The following TMEFF2 variants were observed in gnomAD, a reference collection of about 807,000 sequenced individuals.
TMEFF2 encodes transmembrane protein with EGF like and two follistatin like domains 2.
In TMEFF2, 28 loss-of-function variants were observed where a neutral mutation model predicts 53.8. That is an observed-to-expected ratio of 0.52 (90% CI 0.39 to 0.71). The LOEUF (loss-of-function observed/expected upper bound fraction) is 0.71. Ranked by LOEUF, TMEFF2 falls within the 30% of genes least tolerant of loss-of-function variation. The pLI is 0.00. For missense variants in TMEFF2, 353 were observed against 455.2 expected (o/e 0.78, Z 2.04); for synonymous variants, 162 against 166.3 (o/e 0.97, Z 0.20).
At chr2:192,140,639 G>T (rs1436764252) in intron 4 of TMEFF2, among the ~76,000 whole-genome samples, 1 of 152,108 alleles carries the variant, frequency 6.6e-6, no homozygotes, top group African/African-American at 2.4e-5. Flanking sequence ...ATAAGAGAAT[G>T]CTGAGGGTGA....
intron 5 of TMEFF2, among the ~76,000 whole-genome samples, chr2:192,001,158 C>G (rs1263963414): frequency 6.6e-6 from 1 of 152,098 alleles, no homozygotes. Context: ...AGTTTAGATT[C>G]TGACTGTTGT....
chr2:191,996,930 C>T (rs1230468748), intron 7 of TMEFF2, among the ~76,000 whole-genome samples: 1 of 151,596 alleles, frequency 6.6e-6, no homozygotes, highest in Non-Finnish European at 1.5e-5. Flanking sequence ...GCTATAGAAC[C>T]TACATTTGTG....
At chr2:192,024,814 T>C (rs904086694) in intron 5 of TMEFF2, among the ~76,000 whole-genome samples, 12 of 152,246 alleles carry the variant, frequency 7.9e-5, no homozygotes, top group African/African-American at 2.2e-4. Context: ...TGAAATGCTG[T>C]AGCATGAAAG....
At chr2:192,160,188 A>T (rs1690600603) in intron 4 of TMEFF2, among the ~76,000 whole-genome samples, 2 of 152,174 alleles carry the variant, frequency 1.3e-5, no homozygotes, top group Non-Finnish European at 2.9e-5. Flanking sequence ...GAGAGTACTC[A>T]ATAGATTTCA....
At chr2:192,112,641 G>A (rs1426552279) in intron 4 of TMEFF2, among the ~76,000 whole-genome samples, 5 of 152,152 alleles carry the variant, frequency 3.3e-5, no homozygotes, top group Admixed American at 6.6e-5. Context: ...TTTGAAACGT[G>A]AGAACATGAG....
intron 9 of TMEFF2, among the ~76,000 whole-genome samples, chr2:191,952,893 C>T (rs576783996): frequency 5.3e-5 from 8 of 152,260 alleles, no homozygotes; most frequent in African/African-American, 1.9e-4. Flanking sequence ...TAAAAACTTC[C>T]TTGGAACTTT....
At chr2:192,135,164 C>A (rs1470474116) in intron 4 of TMEFF2, among the ~76,000 whole-genome samples, 4 of 152,196 alleles carry the variant, frequency 2.6e-5, no homozygotes, top group African/African-American at 9.7e-5. Flanking sequence ...CCGTTCTCAA[C>A]TATTCATATA....
intron 4 of TMEFF2, among the ~76,000 whole-genome samples, chr2:192,144,324 A>T (rs1228096330): frequency 1.3e-5 from 2 of 152,062 alleles, no homozygotes. Context: ...AGGGCATGAT[A>T]TTGGAGAACA....
intron 5 of TMEFF2, among the ~76,000 whole-genome samples, chr2:192,015,308 CTTTT>C (rs34696715): frequency 2.6e-5 from 2 of 76,270 alleles, no homozygotes; most frequent in Non-Finnish European, 4.6e-5. Flanking sequence ...ATCACTGAAG[CTTTT>C]TTTTTTTTTT....
chr2:192,183,711 T>C (rs1336206867), intron 3 of TMEFF2, among the ~76,000 whole-genome samples: 1 of 152,054 alleles, frequency 6.6e-6, no homozygotes, highest in Non-Finnish European at 1.5e-5. Context: ...CAAGGAAAAT[T>C]TGAAAAGCTA....
At chr2:192,112,000 G>A (rs546133886) in intron 4 of TMEFF2, among the ~76,000 whole-genome samples, 1 of 152,326 alleles carries the variant, frequency 6.6e-6, no homozygotes, top group East Asian at 1.9e-4. Flanking sequence ...GAAATGCCTG[G>A]ATGCCCAGGC....
chr2:191,999,242 C>G, intron 5 of TMEFF2, 34 bp from the exon 6 acceptor site: 1 of 1,534,824 alleles, frequency 6.5e-7, no homozygotes, highest in Non-Finnish European at 8.9e-7. Flanking sequence ...CATGTAACAT[C>G]AATAGTGTTG....
chr2:191,951,080 T>A (rs956785461), intron 9 of TMEFF2, among the ~76,000 whole-genome samples: 3 of 150,650 alleles, frequency 2.0e-5, no homozygotes, highest in African/African-American at 4.9e-5. Flanking sequence ...ATTATAATAA[T>A]CTGTGAAGTA....
intron 4 of TMEFF2, among the ~76,000 whole-genome samples, chr2:192,099,417 G>C (rs1688983882): frequency 6.6e-6 from 1 of 152,096 alleles, no homozygotes; most frequent in South Asian, 2.1e-4. Context: ...TACTGTGGCA[G>C]CTTTTAGATT....
intron 4 of TMEFF2, among the ~76,000 whole-genome samples, chr2:192,110,018 A>C (rs1234367834): frequency 6.6e-6 from 1 of 152,120 alleles, no homozygotes; most frequent in African/African-American, 2.4e-5. Context: ...AAAGAAGAAC[A>C]GAGAAAAAGG....
chr2:192,126,343 T>C (rs976807604), intron 4 of TMEFF2, among the ~76,000 whole-genome samples: 6 of 152,230 alleles, frequency 3.9e-5, no homozygotes, highest in Non-Finnish European at 7.3e-5. Flanking sequence ...GAAATGCTTT[T>C]AATTGCTAAT....
intron 4 of TMEFF2, among the ~76,000 whole-genome samples, chr2:192,083,205 G>T (rs1688593493): frequency 6.6e-6 from 1 of 152,130 alleles, no homozygotes; most frequent in African/African-American, 2.4e-5. Context: ...AGGAGTAGAA[G>T]AATGACTGAT....
intron 7 of TMEFF2, among the ~76,000 whole-genome samples, chr2:191,960,247 G>T (rs894084911): frequency 2.6e-5 from 4 of 152,146 alleles, no homozygotes; most frequent in Non-Finnish European, 5.9e-5. Flanking sequence ...GATGCACCAG[G>T]TTATTAGTTT....
intron 5 of TMEFF2, among the ~76,000 whole-genome samples, chr2:192,020,887 C>T (rs1274401787): frequency 6.6e-6 from 1 of 152,160 alleles, no homozygotes; most frequent in East Asian, 1.9e-4. Context: ...GTGCTTTCAA[C>T]AGCATATTGA....
Sources: gnomAD v4.1 joint callset for allele counts (sites outside exome capture counted in the v4.1 genomes callset) on GRCh38, gnomAD v4.1.1 for gene constraint, MANE v1.5 for transcripts, NCBI Gene and HGNC (gene_info 2026-07-23, HGNC 2026-07-21) for gene names.